NFIX: variants seen among roughly 807,000 people sequenced by gnomAD.
NFIX encodes nuclear factor I X.
NFIX carries 2 observed loss-of-function variants against 53.3 expected under a neutral mutation model. The observed-to-expected ratio is 0.04, with a 90% CI of 0.02 to 0.12. The LOEUF (loss-of-function observed/expected upper bound fraction) is 0.12, where lower values mean the gene tolerates loss of function less well. Ranked by LOEUF, NFIX falls within the 10% of genes least tolerant of loss-of-function variation. NFIX has a pLI of 1.00. For missense variants in NFIX, 310 were observed against 674.5 expected, an observed-to-expected ratio of 0.46 and a Z score of 5.99; for synonymous variants, 244 against 289.0, an observed-to-expected ratio of 0.84 and a Z score of 1.58.
chr19:13,019,578 C>T (rs1054710772), intron 1 of NFIX, among the ~76,000 whole-genome samples: 6 of 151,478 alleles, frequency 4.0e-5, no homozygotes, highest in East Asian at 1.9e-4. Flanking sequence ...TCTCTTTTTT[C>T]GTTCTCCTTC....
intron 1 of NFIX, among the ~76,000 whole-genome samples, chr19:13,007,030 G>A (rs1485291798): frequency 6.6e-6 from 1 of 152,200 alleles, no homozygotes; most frequent in Non-Finnish European, 1.5e-5. Flanking sequence ...CCCTGGAAGG[G>A]CCGGGCTGCC....
chr19:13,065,390 T>C (rs754765911), intron 2 of NFIX, among the ~76,000 whole-genome samples: 2 of 152,214 alleles, frequency 1.3e-5, no homozygotes, highest in Non-Finnish European at 2.9e-5. Context: ...CCCAGGTATC[T>C]CTGAAACACC....
chr19:13,032,111 G>A (rs1163551728), intron 2 of NFIX, among the ~76,000 whole-genome samples: 4 of 152,182 alleles, frequency 2.6e-5, no homozygotes, highest in Non-Finnish European at 1.5e-5. Flanking sequence ...TTTCTTGTTT[G>A]TTTTCATTTG....
rs1286816514 is a variant in NFIX at position 13,022,071 on chromosome 19, A to G, written c.28-2950A>G. ...GGAGAGGGCAGATCTGGAGAATTAA[A>G]TGCCTGTGCAGTGGTGAGGGGCGTT... On this transcript the variant is annotated intron_variant, in intron 1 of 10. Transcript: ENST00000592199. This position sits in a 1 kb window ranked among gnomAD's most constrained non-coding sequence, Gnocchi z 4.5. Among the ~76,000 whole-genome samples the G allele has an allele frequency of 6.6e-6, 1 of 152,178 alleles. No individual in the cohort carries two copies. Among genetic ancestry groups the G allele is most frequent in the Non-Finnish European group, 1.5e-5 (1 of 68,032 alleles).
chr19:13,073,504 A>G lies in NFIX; in HGVS notation c.697+8A>G, dbSNP rs1186080849. ...TGGTGAGAGTATCACAGAGTAAGTGAGTCCTTCCTTCCAGGCCAGGGATGG... is the reference window on the plus strand; with the variant it reads ...TGGTGAGAGTATCACAGAGTAAGTGGGTCCTTCCTTCCAGGCCAGGGATGG... On this transcript the variant is annotated splice_region_variant and intron_variant, in intron 4 of 10. Coordinates refer to ENST00000592199, the MANE Select transcript of NFIX (RefSeq NM_001365902.3). This position sits in a 1 kb window ranked among gnomAD's most constrained non-coding sequence, Gnocchi z 4.5. The G allele has an allele frequency of 6.2e-7, 1 of 1,612,616 alleles. No individual in the cohort carries two copies. The highest frequency in any genetic ancestry group is 2.2e-5 in the East Asian group (1 of 44,872).
Position 13,090,007 on chromosome 19 carries a change from G to A in NFIX, c.1403-292G>A, listed in dbSNP as rs147905893. Among the ~76,000 whole-genome samples, 302 of 152,328 alleles carry A rather than the reference G, an allele frequency of 2.0e-3. No individual in the cohort carries two copies. Among genetic ancestry groups the A allele is most frequent in the African/African-American group, 7.0e-3 (292 of 41,576 alleles). ...CCAGGGCCTCTCCCTCATCCCAGCT[G>A]TGAAAAAGGATGCCTGGCTGAGACT... On this transcript the variant is annotated intron_variant, in intron 9 of 10. Transcript: ENST00000592199. This position sits in a 1 kb window ranked among gnomAD's most constrained non-coding sequence, Gnocchi z 6.6.
In NFIX at chr19:13,089,107, T is replaced by C. The variant is rs544967053; in HGVS notation, c.1402+971T>C. Among the ~76,000 whole-genome samples, 1 of 152,224 alleles carries C rather than the reference T, an allele frequency of 6.6e-6. No individual in the cohort carries two copies. The highest frequency in any genetic ancestry group is 2.4e-5 in the African/African-American group (1 of 41,534). ...CTCCTTTCTCGTGGTTTGAGTTCTT[T>C]TCCCCTCTCCATCCTCTTCATGCCA... On this transcript the variant is annotated intron_variant, in intron 9 of 10. Coordinates refer to ENST00000592199, the MANE Select transcript of NFIX (RefSeq NM_001365902.3). The surrounding 1 kb of genome is among the most constrained non-coding windows in gnomAD (Gnocchi z 4.8).
chr19:13,086,925 G>C (rs750864720), intron 8 of NFIX, among the ~76,000 whole-genome samples: 1 of 152,252 alleles, frequency 6.6e-6, no homozygotes, highest in African/African-American at 2.4e-5. Context: ...CCGATAGGAG[G>C]AGGAGCACAC....
chr19:13,093,012 C>A lies in NFIX; in HGVS notation c.1495-1623C>A, dbSNP rs2018238225. ...TAGCATTTCTGCCCACCCAGCAGCG[C>A]CTGCTCATTGTGGCAATCCCAAACC... On this transcript the variant is annotated intron_variant, in intron 10 of 10. Transcript: ENST00000592199. This position sits in a 1 kb window ranked among gnomAD's most constrained non-coding sequence, Gnocchi z 4.7. Among the ~76,000 whole-genome samples, 1 of 152,266 alleles carries A rather than the reference C, an allele frequency of 6.6e-6. No individual in the cohort carries two copies. The highest frequency in any genetic ancestry group is 2.4e-5 in the African/African-American group (1 of 41,468).
intron 2 of NFIX, among the ~76,000 whole-genome samples, chr19:13,030,442 A>G (rs886882843): frequency 6.6e-6 from 1 of 152,162 alleles, no homozygotes; most frequent in Non-Finnish European, 1.5e-5. Context: ...ACTCTCTGTC[A>G]CCTTTACTTG....
intron 2 of NFIX, among the ~76,000 whole-genome samples, chr19:13,033,165 C>T (rs941280066): frequency 6.6e-6 from 1 of 152,152 alleles, no homozygotes; most frequent in African/African-American, 2.4e-5. Flanking sequence ...GCACGACAAA[C>T]GCCCGGCCCT....
At chr19:12,999,278 A>G (rs1431831671) in intron 1 of NFIX, among the ~76,000 whole-genome samples, 7 of 151,666 alleles carry the variant, frequency 4.6e-5, no homozygotes, top group Non-Finnish European at 7.4e-5. Flanking sequence ...GGTTCAAGCA[A>G]TTCTCTGCCT....
At chr19:13,074,805 C>T (rs1333066786) in intron 5 of NFIX, among the ~76,000 whole-genome samples, 4 of 150,778 alleles carry the variant, frequency 2.7e-5, no homozygotes, top group Non-Finnish European at 5.9e-5. Context: ...CTCGGTGGCT[C>T]ACGCCTGTAA....
Position 13,096,534 on chromosome 19 carries a change from C to G in NFIX, c.*1885C>G, listed in dbSNP as rs2018470997. The G allele has an allele frequency of 6.6e-6, 1 of 152,042 alleles. No individual in the cohort carries two copies. The highest frequency in any genetic ancestry group is 2.4e-5 in the African/African-American group (1 of 41,404). The allele number at this position is 152,042 out of a possible 1,614,324, so 9.4% of individuals were successfully genotyped here. A position where few individuals can be genotyped will look rare whatever the true frequency, so the allele number is the denominator to read the frequency against. ...GTCCTCAGCGTGCAGCCCTAGAGGA[C>G]CCCAGGGCTGAGGGGCAGTGGATCC... On this transcript the variant is annotated 3_prime_UTR_variant, in exon 11 of 11. Coordinates refer to ENST00000592199, the MANE Select transcript of NFIX (RefSeq NM_001365902.3).
chr19:13,046,286 C>T (rs899669624), intron 2 of NFIX, among the ~76,000 whole-genome samples: 6 of 152,148 alleles, frequency 3.9e-5, no homozygotes, highest in African/African-American at 1.2e-4. Flanking sequence ...TGTGGGAACG[C>T]AGCCCTGTGT....
At chr19:13,084,661 G>T (rs2017668008) in intron 8 of NFIX, among the ~76,000 whole-genome samples, 1 of 152,124 alleles carries the variant, frequency 6.6e-6, no homozygotes, top group Non-Finnish European at 1.5e-5. Context: ...ACATGATGGA[G>T]AAATCACAGG....
In NFIX at chr19:13,060,967, G is replaced by A. The variant is rs1381825450; in HGVS notation, c.560-12080G>A. ...CCATTTTTTCACTTTTTATGGGGAT[G>A]GGGTAGAGATCTTCCTTTTCAAGTG... is the stretch of plus-strand genomic sequence containing the variant. On this transcript the variant is annotated intron_variant, in intron 2 of 10. Coordinates refer to ENST00000592199, the MANE Select transcript of NFIX (RefSeq NM_001365902.3). The surrounding 1 kb of genome is among the most constrained non-coding windows in gnomAD (Gnocchi z 4.3). Among the ~76,000 whole-genome samples the A allele has an allele frequency of 6.6e-6, 1 of 152,090 alleles. No homozygotes were observed. The highest frequency in any genetic ancestry group is 6.5e-5 in the Admixed American group (1 of 15,270).
intron 2 of NFIX, among the ~76,000 whole-genome samples, chr19:13,056,116 A>AATT (rs948989763): frequency 7.2e-5 from 11 of 152,200 alleles, no homozygotes; most frequent in South Asian, 4.2e-4. Context: ...CTGCGGCTGA[A>AATT]ATTGCATCCA....
At chr19:13,007,247 C>T (rs537050479) in intron 1 of NFIX, among the ~76,000 whole-genome samples, 122 of 152,152 alleles carry the variant, frequency 8.0e-4, no homozygotes, top group South Asian at 1.5e-3. Flanking sequence ...CCTTCTCTGC[C>T]GCCTGGGGCT....
Sources: gnomAD v4.1 joint callset for allele counts (sites outside exome capture counted in the v4.1 genomes callset) on GRCh38, gnomAD v4.1.1 for gene constraint, Gnocchi (gnomAD v3.1) non-coding constraint, MANE v1.5 for transcripts, NCBI Gene and HGNC (gene_info 2026-07-23, HGNC 2026-07-21) for gene names.